KRABD5: variants seen among roughly 807,000 people sequenced by gnomAD.
KRABD5 encodes the protein KRAB domain-containing protein 5.
At chr16:31,742,625 T>C in the KRABD5 span, among the ~76,000 whole-genome samples, 1 of 152,170 alleles carries the variant, frequency 6.6e-6, no homozygotes, top group African/African-American at 2.4e-5. Context: ...CAAACATACG[T>C]GTGCATGTGT....
chr16:31,720,245 A>AT, the KRABD5 span, among the ~76,000 whole-genome samples: 1 of 152,204 alleles, frequency 6.6e-6, no homozygotes, highest in East Asian at 1.9e-4. Flanking sequence ...AAAGGATGTG[A>AT]TTTTTCAGGA....
chr16:31,724,532 C>G, the KRABD5 span, among the ~76,000 whole-genome samples: 2 of 146,360 alleles, frequency 1.4e-5, no homozygotes, highest in South Asian at 2.2e-4. Context: ...CTAAAAAATA[C>G]AAAAAAAAAA....
At chr16:31,722,859 C>A in the KRABD5 span, 1 of 1,256,550 alleles carries the variant, frequency 8.0e-7, no homozygotes, top group Non-Finnish European at 1.0e-6. Context: ...TGAATGAATT[C>A]AGATTCCTGT....
chr16:31,748,652 A>G, the KRABD5 span, among the ~76,000 whole-genome samples: 1 of 152,128 alleles, frequency 6.6e-6, no homozygotes, highest in Non-Finnish European at 1.5e-5. Flanking sequence ...AGATCTTGCA[A>G]TCATTTGGAG....
the KRABD5 span, chr16:31,722,896 G>T: frequency 1.3e-5 from 13 of 1,018,134 alleles, no homozygotes; most frequent in East Asian, 3.5e-4. Flanking sequence ...TTGTGGGTTT[G>T]TTGTAGAAAA....
the KRABD5 span, among the ~76,000 whole-genome samples, chr16:31,733,334 CTT>C: frequency 3.9e-5 from 6 of 151,960 alleles, no homozygotes; most frequent in South Asian, 1.0e-3. Flanking sequence ...GAGAGGAACA[CTT>C]TTGTTCTTTG....
At chr16:31,736,409 GTTT>G in the KRABD5 span, among the ~76,000 whole-genome samples, 46 of 136,272 alleles carry the variant, frequency 3.4e-4, no homozygotes, top group East Asian at 8.5e-4. Flanking sequence ...TGTACATTTA[GTTT>G]TTTTTTTTTT....
At chr16:31,750,228 T>C in the KRABD5 span, among the ~76,000 whole-genome samples, 4,840 of 152,280 alleles carry the variant, frequency 0.032, 101 homozygotes, top group Non-Finnish European at 0.046. Flanking sequence ...TTATAGTTCC[T>C]CTTGTAGAGA....
At chr16:31,754,063 A>G in the KRABD5 span, 12 of 869,224 alleles carry the variant, frequency 1.4e-5, no homozygotes, top group Admixed American at 2.0e-5. Context: ...AAGTGTCAAC[A>G]TCAATTTTTG....
the KRABD5 span, chr16:31,757,754 C>T: frequency 9.9e-5 from 15 of 151,828 alleles, no homozygotes; most frequent in African/African-American, 3.6e-4. Context: ...GGTCCTAGCC[C>T]AAAGTTGGAA....
chr16:31,756,781 T>G, the KRABD5 span: 2 of 152,172 alleles, frequency 1.3e-5, no homozygotes, highest in Non-Finnish European at 2.9e-5. Context: ...AGATTTTTCT[T>G]TGCTTTCACT....
the KRABD5 span, among the ~76,000 whole-genome samples, chr16:31,735,691 G>T: frequency 6.6e-6 from 1 of 152,184 alleles, no homozygotes; most frequent in East Asian, 1.9e-4. Flanking sequence ...ATCTGTTTAT[G>T]CACCTTTTGG....
the KRABD5 span, among the ~76,000 whole-genome samples, chr16:31,726,527 G>A: frequency 2.8e-4 from 42 of 152,246 alleles, 1 homozygote; most frequent in Admixed American, 2.4e-3. Context: ...TTGGGAGACC[G>A]AAGCAGGTGG....
At chr16:31,749,624 C>G in the KRABD5 span, among the ~76,000 whole-genome samples, 1 of 152,190 alleles carries the variant, frequency 6.6e-6, no homozygotes, top group African/African-American at 2.4e-5. Context: ...TGCACAGTTC[C>G]CTGGAAGAAG....
the KRABD5 span, among the ~76,000 whole-genome samples, chr16:31,715,224 ATTTTG>A: frequency 6.6e-6 from 1 of 152,122 alleles, no homozygotes; most frequent in African/African-American, 2.4e-5. Flanking sequence ...GTTAACACAT[ATTTTG>A]TTTTGACCAT....
the KRABD5 span, chr16:31,713,341 TTCTGAGAATAGACAGAACC>T: frequency 1.3e-4 from 194 of 1,547,424 alleles, 2 homozygotes; most frequent in African/African-American, 2.4e-3. Context: ...CGGCTTCGCG[TTCTGAGAATAGACAGAACC>T]TCTGTTACTC....
chr16:31,732,880 T>G, the KRABD5 span, among the ~76,000 whole-genome samples: 1 of 152,176 alleles, frequency 6.6e-6, no homozygotes, highest in Non-Finnish European at 1.5e-5. Context: ...TCTTCATGGG[T>G]GTACACAGTT....
the KRABD5 span, among the ~76,000 whole-genome samples, chr16:31,731,060 A>G: frequency 5.9e-5 from 9 of 152,146 alleles, no homozygotes; most frequent in Admixed American, 5.9e-4. Flanking sequence ...GATGATTACT[A>G]TGGCTTTTTA....
At chr16:31,720,105 C>G in the KRABD5 span, among the ~76,000 whole-genome samples, 1 of 152,214 alleles carries the variant, frequency 6.6e-6, no homozygotes, top group Non-Finnish European at 1.5e-5. Flanking sequence ...GTTGCCAGCA[C>G]AGTGCATACT....
Sources: gnomAD v4.1 joint callset for allele counts (sites outside exome capture counted in the v4.1 genomes callset) on GRCh38, gnomAD v4.1.1 for gene constraint, MANE v1.5 for transcripts, NCBI Gene and HGNC (gene_info 2026-07-23, HGNC 2026-07-21) for gene names.